FRMD6: variants seen among roughly 807,000 people sequenced by gnomAD.
FRMD6 encodes FERM domain-containing protein 6.
Under a neutral mutation model 73.2 loss-of-function variants are expected in FRMD6, and 37 were observed. The observed-to-expected ratio is 0.51, with a 90% CI of 0.39 to 0.66. FRMD6 has a LOEUF of 0.66. Among genes scored for constraint, FRMD6 ranks in the 30% least tolerant of loss-of-function variants. The probability of loss-of-function intolerance (pLI) is 0.00; values close to 1 mark genes in which losing one functional copy is unlikely to be tolerated. For synonymous variants in FRMD6, 273 were observed against 282.2 expected (o/e 0.97, Z 0.33); for missense variants, 714 against 780.5 (o/e 0.91, Z 1.02).
chr14:51,577,874 G>A (rs545574583), intron 2 of FRMD6, among the ~76,000 whole-genome samples: 1 of 152,254 alleles, frequency 6.6e-6, no homozygotes, highest in Non-Finnish European at 1.5e-5. Flanking sequence ...ACGTGCCTTT[G>A]CTATTTCTTA....
At chr14:51,635,707 A>ATAT (rs1891525215) in intron 2 of FRMD6, among the ~76,000 whole-genome samples, 1 of 152,150 alleles carries the variant, frequency 6.6e-6, no homozygotes, top group African/African-American at 2.4e-5. Context: ...CTATTACCTC[A>ATAT]TATTTTTAAA....
At chr14:51,703,044 G>T (rs539713736) in intron 5 of FRMD6, among the ~76,000 whole-genome samples, 1 of 151,948 alleles carries the variant, frequency 6.6e-6, no homozygotes, top group African/African-American at 2.4e-5. Flanking sequence ...TTATATAATC[G>T]GTTTTCTTTT....
chr14:51,470,061 T>A, the FRMD6 span, among the ~76,000 whole-genome samples: 1 of 152,210 alleles, frequency 6.6e-6, no homozygotes, highest in African/African-American at 2.4e-5. Context: ...ATCTAAAAAC[T>A]TTGTTTATAA....
chr14:51,638,887 G>A (rs1891694193), intron 2 of FRMD6, among the ~76,000 whole-genome samples: 1 of 152,066 alleles, frequency 6.6e-6, no homozygotes, highest in African/African-American at 2.4e-5. Flanking sequence ...CACTAGAAAT[G>A]GGCTAAGAAT....
At chr14:51,467,095 C>G in the FRMD6 span, among the ~76,000 whole-genome samples, 2 of 152,052 alleles carry the variant, frequency 1.3e-5, no homozygotes, top group African/African-American at 4.8e-5. Flanking sequence ...TCTGGTTTTC[C>G]TAGGCAGAGG....
intron 2 of FRMD6, among the ~76,000 whole-genome samples, chr14:51,591,845 T>C (rs2139736984): frequency 6.6e-6 from 1 of 152,324 alleles, no homozygotes; most frequent in South Asian, 2.1e-4. Context: ...CCGGCCACTA[T>C]TTTTTATTTT....
At chr14:51,659,559 A>G (rs767406935) in intron 1 of FRMD6, among the ~76,000 whole-genome samples, 2 of 152,070 alleles carry the variant, frequency 1.3e-5, no homozygotes, top group South Asian at 2.1e-4. Flanking sequence ...TGATCGAGTT[A>G]TTTTTCTTAA....
chr14:51,660,462 T>C (rs993367212), intron 1 of FRMD6, among the ~76,000 whole-genome samples: 4 of 152,164 alleles, frequency 2.6e-5, no homozygotes, highest in African/African-American at 9.7e-5. Flanking sequence ...AGCAACAGAA[T>C]GTGCAAGATC....
At chr14:51,450,529 G>A in the FRMD6 span, among the ~76,000 whole-genome samples, 1 of 152,172 alleles carries the variant, frequency 6.6e-6, no homozygotes, top group African/African-American at 2.4e-5. Flanking sequence ...CAGGGTCGAG[G>A]AGAGATGCAG....
At chr14:51,636,279 A>G (rs1891556098) in intron 2 of FRMD6, among the ~76,000 whole-genome samples, 1 of 152,224 alleles carries the variant, frequency 6.6e-6, no homozygotes, top group Non-Finnish European at 1.5e-5. Context: ...CAGGATTTAA[A>G]CAAATTACAA....
chr14:51,481,657 T>C, the FRMD6 span, among the ~76,000 whole-genome samples: 3 of 152,380 alleles, frequency 2.0e-5, no homozygotes, highest in Non-Finnish European at 4.4e-5. Context: ...TCACCCAAGC[T>C]GGCTATTATT....
chr14:51,465,193 G>A, the FRMD6 span, among the ~76,000 whole-genome samples: 2,941 of 152,182 alleles, frequency 0.019, 101 homozygotes, highest in African/African-American at 0.068. Flanking sequence ...GACAAAAAAC[G>A]ATAATGCTAT....
chr14:51,663,764 A>G (rs961000874), intron 1 of FRMD6, among the ~76,000 whole-genome samples: 8 of 152,254 alleles, frequency 5.3e-5, no homozygotes, highest in African/African-American at 1.9e-4. Flanking sequence ...TAAATTTTAA[A>G]AAAAGGAAGT....
chr14:51,707,298 A>T (rs1324137292), intron 6 of FRMD6, among the ~76,000 whole-genome samples: 1 of 152,174 alleles, frequency 6.6e-6, no homozygotes, highest in Admixed American at 6.5e-5. Context: ...GACATTTTAA[A>T]ACCAAAAAGT....
intron 1 of FRMD6, among the ~76,000 whole-genome samples, chr14:51,558,222 A>C (rs970642924): frequency 1.3e-5 from 2 of 152,176 alleles, no homozygotes; most frequent in Admixed American, 1.3e-4. Flanking sequence ...TAATCCTAGC[A>C]CTTTGGAAGG....
At chr14:51,479,846 G>C in the FRMD6 span, among the ~76,000 whole-genome samples, 1 of 152,196 alleles carries the variant, frequency 6.6e-6, no homozygotes, top group Non-Finnish European at 1.5e-5. Context: ...AGCAGTTGCA[G>C]AGGCATGTGG....
At chr14:51,712,725 A>G (rs549608718) in intron 9 of FRMD6, among the ~76,000 whole-genome samples, 174 bp downstream of exon 9, 7 of 152,346 alleles carry the variant, frequency 4.6e-5, no homozygotes, top group East Asian at 1.9e-4. Flanking sequence ...TGCATGTGCT[A>G]TAGATTCTTT....
chr14:51,405,574 G>GC, the FRMD6 span, among the ~76,000 whole-genome samples: 2 of 146,722 alleles, frequency 1.4e-5, no homozygotes, highest in Non-Finnish European at 1.5e-5. Context: ...AGTGACTTGA[G>GC]TTTTTTTTTT....
chr14:51,511,567 A>G (rs115648284), intron 1 of FRMD6, among the ~76,000 whole-genome samples: 2,250 of 152,294 alleles, frequency 0.015, 48 homozygotes, highest in African/African-American at 0.051. Flanking sequence ...ATAGAGGGAA[A>G]AATTGAAACA....
Sources: allele counts gnomAD v4.1 joint callset (sites outside exome capture counted in the v4.1 genomes callset), GRCh38; gene constraint gnomAD v4.1.1; transcripts MANE v1.5; gene names NCBI Gene and HGNC (gene_info 2026-07-23, HGNC 2026-07-21).